The following DTNBP1 variants were observed in gnomAD, a reference collection of about 807,000 sequenced individuals.
DTNBP1 encodes the protein dysbindin.
DTNBP1 carries 35 observed loss-of-function variants against 42.8 expected under a neutral mutation model. The observed-to-expected ratio is 0.82, with a 90% CI of 0.63 to 1.09. The LOEUF is 1.09. Ranked by LOEUF, DTNBP1 falls within the 50% of genes least tolerant of loss-of-function variation. The pLI, the probability that DTNBP1 is intolerant of heterozygous loss-of-function variation, is 0.00. For synonymous variants in DTNBP1, 171 were observed against 162.2 expected (o/e 1.05, Z -0.41); for missense variants, 457 against 424.2 (o/e 1.08, Z -0.68).
intron 6 of DTNBP1, among the ~76,000 whole-genome samples, chr6:15,603,872 T>C (rs1776826465): frequency 6.6e-6 from 1 of 152,164 alleles, no homozygotes; most frequent in South Asian, 2.1e-4. Context: ...CCCTCTTGGA[T>C]ATTTTTTTCC....
intron 8 of DTNBP1, among the ~76,000 whole-genome samples, chr6:15,529,130 A>G (rs545660195): frequency 6.6e-6 from 1 of 152,160 alleles, no homozygotes; most frequent in Non-Finnish European, 1.5e-5. Flanking sequence ...CCAAAAAAAT[A>G]AAAAATTAGC....
intron 7 of DTNBP1, among the ~76,000 whole-genome samples, chr6:15,559,780 C>A (rs1352231404): frequency 6.6e-6 from 1 of 152,178 alleles, no homozygotes; most frequent in Non-Finnish European, 1.5e-5. Context: ...ATGAATTGGG[C>A]TACAGAGTTT....
intron 4 of DTNBP1, among the ~76,000 whole-genome samples, chr6:15,633,953 A>G (rs1305072247): frequency 6.6e-6 from 1 of 152,216 alleles, no homozygotes; most frequent in Non-Finnish European, 1.5e-5. Flanking sequence ...GTATAAACAT[A>G]ACTTTTATAT....
rs568397267 is a variant in DTNBP1 at position 15,524,309 on chromosome 6, G to A, written c.811+217C>T. ...AACTCACCAAAGTTACCGGAGTGGA[G>A]CATGTCAAATCTTTGAGAAGAATTC... On this transcript the variant is annotated intron_variant, in intron 9 of 9. Transcript: ENST00000344537. The A allele has an allele frequency of 3.5e-5, 56 of 1,610,862 alleles. No homozygotes were observed. The African/African-American group carries it at 6.1e-4, about 18-fold the overall frequency.
At chr6:15,559,322 G>A (rs567125493) in intron 7 of DTNBP1, among the ~76,000 whole-genome samples, 1 of 152,268 alleles carries the variant, frequency 6.6e-6, no homozygotes, top group South Asian at 2.1e-4. Flanking sequence ...AATTGGAAGG[G>A]TAAAAAAGCA....
chr6:15,645,377 A>G (rs1760616477), intron 3 of DTNBP1, among the ~76,000 whole-genome samples: 1 of 152,172 alleles, frequency 6.6e-6, no homozygotes, highest in Non-Finnish European at 1.5e-5. Context: ...AACTGGTACC[A>G]ATCTTACTGA....
At chr6:15,614,974 T>C (rs1055231052) in intron 6 of DTNBP1, 9 of 477,600 alleles carry the variant, frequency 1.9e-5, no homozygotes, top group Non-Finnish European at 2.7e-5. Context: ...ATTTGCCTCT[T>C]GGAGAAAACT....
chr6:15,627,769 G>T (rs1432220515), intron 4 of DTNBP1, among the ~76,000 whole-genome samples: 1 of 148,052 alleles, frequency 6.8e-6, no homozygotes, highest in Non-Finnish European at 1.5e-5. Context: ...AGCAGACCAT[G>T]TATTTGAAAA....
At chr6:15,564,847 G>A (rs1561962184) in intron 7 of DTNBP1, among the ~76,000 whole-genome samples, 1 of 152,042 alleles carries the variant, frequency 6.6e-6, no homozygotes, top group Non-Finnish European at 1.5e-5. Context: ...GGGCAAAGTG[G>A]CTCATGCCTG....
intron 3 of DTNBP1, among the ~76,000 whole-genome samples, chr6:15,648,909 T>C (rs574801893): frequency 1.3e-5 from 2 of 152,178 alleles, no homozygotes; most frequent in African/African-American, 4.8e-5. Flanking sequence ...TCAAATGACC[T>C]TCAACAGCCA....
chr6:15,530,796 CAG>C (rs1561938132), intron 8 of DTNBP1, among the ~76,000 whole-genome samples: 2 of 152,146 alleles, frequency 1.3e-5, no homozygotes, highest in African/African-American at 4.8e-5. Flanking sequence ...GTTTAGCAAT[CAG>C]AGTTTCTATG....
At chr6:15,607,010 ATTT>A (rs3045755) in intron 6 of DTNBP1, among the ~76,000 whole-genome samples, 3 of 138,044 alleles carry the variant, frequency 2.2e-5, no homozygotes, top group African/African-American at 2.7e-5. Context: ...TCAAAAAAAA[ATTT>A]TTTTTTTTTT....
intron 7 of DTNBP1, among the ~76,000 whole-genome samples, chr6:15,538,323 G>C (rs999340477): frequency 6.6e-6 from 1 of 152,156 alleles, no homozygotes; most frequent in South Asian, 2.1e-4. Context: ...AGCATCCTGG[G>C]GCTGAGAGCA....
intron 1 of DTNBP1, among the ~76,000 whole-genome samples, chr6:15,653,343 A>T (rs1184501008): frequency 2.0e-5 from 3 of 152,168 alleles, no homozygotes; most frequent in Non-Finnish European, 4.4e-5. Flanking sequence ...AAACCAATCT[A>T]TGGTAGTTTT....
intron 7 of DTNBP1, among the ~76,000 whole-genome samples, chr6:15,581,716 G>A (rs911327309): frequency 6.6e-6 from 1 of 151,690 alleles, no homozygotes; most frequent in Non-Finnish European, 1.5e-5. Flanking sequence ...GACCTCAGGT[G>A]ATCCACCTGC....
intron 8 of DTNBP1, among the ~76,000 whole-genome samples, chr6:15,532,697 CTTTTTTTTT>C (rs373480713): frequency 3.2e-5 from 3 of 93,114 alleles, no homozygotes; most frequent in South Asian, 7.8e-4. Flanking sequence ...TGTTTGTAAT[CTTTTTTTTT>C]TTTTTTTTTT....
At chr6:15,645,114 C>T (rs985718880) in intron 3 of DTNBP1, among the ~76,000 whole-genome samples, 12 of 151,932 alleles carry the variant, frequency 7.9e-5, no homozygotes, top group African/African-American at 2.9e-4. Flanking sequence ...ACTGACACCA[C>T]AGAAAGACAA....
At chr6:15,615,608 T>G (rs1175497037) in intron 5 of DTNBP1, among the ~76,000 whole-genome samples, 3 of 152,190 alleles carry the variant, frequency 2.0e-5, no homozygotes, top group Non-Finnish European at 4.4e-5. Flanking sequence ...TTTCAAGCAT[T>G]TTCAAGAAAT....
In DTNBP1 at chr6:15,552,219, A is replaced by G. The variant is rs562511159; in HGVS notation, c.512-18824T>C. Reference sequence around the variant, plus strand: ...GGGCTATGGAAAAGCTGGCCAGGAAATCTGTAATGCATTAAAAATAGCATG... The same window carrying G: ...GGGCTATGGAAAAGCTGGCCAGGAAGTCTGTAATGCATTAAAAATAGCATG... On this transcript the variant is annotated intron_variant, in intron 7 of 9. Transcript: ENST00000344537. Among the ~76,000 whole-genome samples, 50 of 152,320 alleles carry G rather than the reference A, an allele frequency of 3.3e-4. No individual in the cohort carries two copies. In the South Asian group the frequency reaches 0.01, roughly 31 times the overall value.
Sources: gnomAD v4.1 joint callset for allele counts (sites outside exome capture counted in the v4.1 genomes callset) on GRCh38, gnomAD v4.1.1 for gene constraint, MANE v1.5 for transcripts, NCBI Gene and HGNC (gene_info 2026-07-23, HGNC 2026-07-21) for gene names.